Variants in LRRTM4 observed in about 807,000 individuals in gnomAD.
The protein encoded by LRRTM4 is leucine rich repeat transmembrane neuronal 4.
Under a neutral mutation model 47.6 loss-of-function variants are expected in LRRTM4, and 25 were observed. That is an observed-to-expected ratio of 0.53 (90% CI 0.38 to 0.73). The LOEUF (loss-of-function observed/expected upper bound fraction) is 0.73. Ranked by LOEUF, LRRTM4 falls within the 30% of genes least tolerant of loss-of-function variation. The pLI is 0.00. For synonymous variants in LRRTM4, 311 were observed against 269.5 expected (o/e 1.15, Z -1.51); for missense variants, 638 against 713.4 (o/e 0.89, Z 1.20).
chr2:77,219,700 C>T (rs551616375), intron 3 of LRRTM4, among the ~76,000 whole-genome samples: 11 of 152,244 alleles, frequency 7.2e-5, no homozygotes, highest in Non-Finnish European at 1.2e-4. Flanking sequence ...TGAGGATTCC[C>T]GCCATTCTTT....
intron 3 of LRRTM4, among the ~76,000 whole-genome samples, chr2:77,227,790 A>G (rs1674854651): frequency 6.6e-6 from 1 of 152,044 alleles, no homozygotes; most frequent in South Asian, 2.1e-4. Context: ...TATCTTTTTA[A>G]AATAGTTATT....
chr2:76,985,664 G>T (rs1194393539), intron 3 of LRRTM4, among the ~76,000 whole-genome samples: 1 of 151,942 alleles, frequency 6.6e-6, no homozygotes, highest in Non-Finnish European at 1.5e-5. Flanking sequence ...GGAAGTTAGA[G>T]GCTTCTGACT....
intron 3 of LRRTM4, among the ~76,000 whole-genome samples, chr2:77,260,164 G>A (rs1675879836): frequency 6.6e-6 from 1 of 151,998 alleles, no homozygotes; most frequent in Non-Finnish European, 1.5e-5. Flanking sequence ...TTTCTCAAAT[G>A]TACAGAATAC....
At chr2:77,002,735 C>T (rs563084098) in intron 3 of LRRTM4, among the ~76,000 whole-genome samples, 8 of 152,162 alleles carry the variant, frequency 5.3e-5, no homozygotes, top group Admixed American at 2.6e-4. Flanking sequence ...TCACCTCCTC[C>T]CAAGATTGTC....
intron 3 of LRRTM4, among the ~76,000 whole-genome samples, chr2:77,026,545 G>T (rs1678460122): frequency 1.3e-5 from 2 of 151,982 alleles, no homozygotes; most frequent in South Asian, 4.1e-4. Context: ...AAAAGTAATA[G>T]TAAGTGAATA....
chr2:76,835,778 C>A (rs1671493101), intron 3 of LRRTM4, among the ~76,000 whole-genome samples: 1 of 152,098 alleles, frequency 6.6e-6, no homozygotes, highest in South Asian at 2.1e-4. Flanking sequence ...GACCAGCATC[C>A]TATTTAAAAC....
At chr2:77,129,509 A>G in intron 3 of LRRTM4, among the ~76,000 whole-genome samples, 1 of 152,224 alleles carries the variant, frequency 6.6e-6, no homozygotes, top group East Asian at 1.9e-4. Context: ...GGGAGTTATC[A>G]GAAACTCTAA....
At chr2:77,026,708 C>T (rs1053263275) in intron 3 of LRRTM4, among the ~76,000 whole-genome samples, 3 of 151,764 alleles carry the variant, frequency 2.0e-5, no homozygotes, top group African/African-American at 7.3e-5. Flanking sequence ...CTTCTGTTTG[C>T]CTATTATACA....
At chr2:77,507,854 G>C (rs747401396) in intron 3 of LRRTM4, among the ~76,000 whole-genome samples, 7 of 152,028 alleles carry the variant, frequency 4.6e-5, no homozygotes, top group Non-Finnish European at 1.0e-4. Flanking sequence ...GACAAGGTGA[G>C]CATGGTTACC....
intron 3 of LRRTM4, among the ~76,000 whole-genome samples, chr2:77,385,456 T>G (rs1218018242): frequency 6.6e-6 from 1 of 152,170 alleles, no homozygotes; most frequent in Non-Finnish European, 1.5e-5. Flanking sequence ...AATGTTTGTG[T>G]AGTGTGATTC....
chr2:77,084,773 G>A (rs1245566451), intron 3 of LRRTM4, among the ~76,000 whole-genome samples: 2 of 152,160 alleles, frequency 1.3e-5, no homozygotes, highest in Admixed American at 6.5e-5. Flanking sequence ...TTTACAGACT[G>A]TACACAGGGC....
intron 3 of LRRTM4, among the ~76,000 whole-genome samples, chr2:76,908,922 G>A (rs1673948385): frequency 6.6e-6 from 1 of 152,130 alleles, no homozygotes; most frequent in South Asian, 2.1e-4. Context: ...TACTGCCCAA[G>A]GTAATTGATA....
At chr2:77,437,462 A>T (rs1488879636) in intron 3 of LRRTM4, among the ~76,000 whole-genome samples, 5 of 152,098 alleles carry the variant, frequency 3.3e-5, no homozygotes, top group Non-Finnish European at 7.4e-5. Context: ...GTTTGAAATG[A>T]AATATATTAA....
chr2:77,040,297 C>T lies in LRRTM4; in HGVS notation c.1552-291381G>A, dbSNP rs1304843049. ...ATCATGATGTATGCAAATTACAGCT[C>T]ATCATTTGCTAAATGCTTGCAGAGA... On this transcript the variant is annotated intron_variant, in intron 3 of 3. Transcript: ENST00000409884. Among the ~76,000 whole-genome samples, 4 of 151,318 alleles carry T rather than the reference C, an allele frequency of 2.6e-5. No individual in the cohort carries two copies. In the Admixed American group the frequency reaches 2.6e-4, roughly 10 times the overall value.
intron 3 of LRRTM4, among the ~76,000 whole-genome samples, chr2:76,824,502 G>C (rs1000815490): frequency 6.6e-6 from 1 of 150,970 alleles, no homozygotes; most frequent in African/African-American, 2.4e-5. Context: ...GAGTCAGCAG[G>C]CTACTTTATT....
At chr2:76,974,245 TATATATATAC>T (rs1558771859) in intron 3 of LRRTM4, among the ~76,000 whole-genome samples, 1,610 of 142,016 alleles carry the variant, frequency 0.011, 40 homozygotes, top group African/African-American at 0.04. Context: ...TATATACATA[TATATATATAC>T]ACACACATAC....
chr2:77,418,062 C>G (rs1381808700), intron 3 of LRRTM4, among the ~76,000 whole-genome samples: 1 of 152,078 alleles, frequency 6.6e-6, no homozygotes, highest in East Asian at 1.9e-4. Context: ...TTGAAGGAAA[C>G]AAATGCAAAC....
intron 3 of LRRTM4, among the ~76,000 whole-genome samples, chr2:76,894,302 T>C (rs964268386): frequency 2.0e-5 from 3 of 152,060 alleles, no homozygotes; most frequent in African/African-American, 4.8e-5. Context: ...AGCTAATGCA[T>C]AATTTGACAA....
chr2:76,995,318 G>A (rs752476146), intron 3 of LRRTM4, among the ~76,000 whole-genome samples: 1 of 152,032 alleles, frequency 6.6e-6, no homozygotes, highest in African/African-American at 2.4e-5. Flanking sequence ...AAATATGGAT[G>A]CACAATGTTT....
Sources: allele counts gnomAD v4.1 joint callset (sites outside exome capture counted in the v4.1 genomes callset), GRCh38; gene constraint gnomAD v4.1.1; transcripts MANE v1.5; gene names NCBI Gene and HGNC (gene_info 2026-07-23, HGNC 2026-07-21).